Variants in EDIL3 observed in about 807,000 individuals in gnomAD.
EDIL3 encodes EGF like and discoidin domains 3.
A neutral mutation model predicts 67.4 loss-of-function variants in EDIL3; 37 were observed. The ratio of observed to expected loss-of-function variants is 0.55; its 90% CI spans 0.42 to 0.72. The LOEUF is 0.72. Among genes scored for constraint, EDIL3 ranks in the 30% least tolerant of loss-of-function variants. EDIL3 has a pLI of 0.00. For missense variants in EDIL3, 527 were observed against 586.3 expected, an observed-to-expected ratio of 0.90 and a Z score of 1.04; for synonymous variants, 195 against 196.3, an observed-to-expected ratio of 0.99 and a Z score of 0.05.
At chr5:84,244,712 ACTTTCTTTGTCCACTTACCCTAAG>A (rs1472070668) in intron 2 of EDIL3, among the ~76,000 whole-genome samples, 3 of 152,250 alleles carry the variant, frequency 2.0e-5, no homozygotes, top group Non-Finnish European at 2.9e-5. Context: ...TTAGCCCTTT[ACTTTCTTTGTCCACTTACCCTAAG>A]CTTTCTTTGT....
intron 4 of EDIL3, among the ~76,000 whole-genome samples, chr5:84,158,429 T>G (rs1319520552): frequency 6.6e-6 from 1 of 152,058 alleles, no homozygotes; most frequent in African/African-American, 2.4e-5. Context: ...TCTAAATATG[T>G]CAGCTTTTTC....
intron 3 of EDIL3, among the ~76,000 whole-genome samples, chr5:84,195,195 C>T (rs1032648345): frequency 1.3e-5 from 2 of 151,848 alleles, no homozygotes; most frequent in Non-Finnish European, 2.9e-5. Context: ...ATTACCAATA[C>T]AATTTCTATT....
intron 6 of EDIL3, among the ~76,000 whole-genome samples, chr5:84,098,269 T>C (rs1379523425): frequency 3.3e-5 from 5 of 152,108 alleles, no homozygotes; most frequent in Admixed American, 3.3e-4. Flanking sequence ...GAATACTAAT[T>C]AGTGCATGTT....
At chr5:84,280,120 T>C (rs1745667385) in intron 1 of EDIL3, among the ~76,000 whole-genome samples, 1 of 152,202 alleles carries the variant, frequency 6.6e-6, no homozygotes. Flanking sequence ...TCTACATCTT[T>C]GCTTTCTATA....
At chr5:84,021,745 A>G (rs970438986) in intron 9 of EDIL3, among the ~76,000 whole-genome samples, 1 of 152,008 alleles carries the variant, frequency 6.6e-6, no homozygotes, top group African/African-American at 2.4e-5. Flanking sequence ...CAGAAATACA[A>G]AAGATCACCA....
In EDIL3 at chr5:84,090,801, A is replaced by T. The variant is rs555708406; in HGVS notation, c.651+15848T>A. Among the ~76,000 whole-genome samples, 10 of 151,956 alleles carry T rather than the reference A, an allele frequency of 6.6e-5. No individual in the cohort carries two copies. The East Asian group carries it at 1.9e-3, about 30-fold the overall frequency. ...TCTCTACTGAAAATACAAAAAAAAT[A>T]GCTGGGCGTGGTGGTGCGTGCCTGT... On this transcript the variant is annotated intron_variant, in intron 6 of 10. Coordinates refer to ENST00000296591, the MANE Select transcript of EDIL3 (RefSeq NM_005711.5).
At chr5:84,105,296 T>C (rs72776507) in intron 6 of EDIL3, among the ~76,000 whole-genome samples, 9,799 of 152,142 alleles carry the variant, frequency 0.064, 441 homozygotes, top group Middle Eastern at 0.12. Flanking sequence ...AACAACTTCA[T>C]GTAAATATAA....
At chr5:83,981,008 A>G (rs989487072) in intron 9 of EDIL3, among the ~76,000 whole-genome samples, 6 of 152,096 alleles carry the variant, frequency 3.9e-5, no homozygotes, top group African/African-American at 1.4e-4. Context: ...AAATAAATGA[A>G]AAGATATCTC....
chr5:84,021,714 A>G lies in EDIL3; in HGVS notation c.1137+38586T>C, dbSNP rs149285130. Among the ~76,000 whole-genome samples the G allele has an allele frequency of 6.0e-3, 909 of 152,124 alleles. 12 individuals carry two copies. Among genetic ancestry groups the G allele is most frequent in the African/African-American group, 0.021 (858 of 41,552 alleles). On this transcript the variant is annotated intron_variant, in intron 9 of 10. Transcript: ENST00000296591. Reference sequence around the variant, plus strand: ...TGTTCTGTAAAGGTTTGTTAGGTCCATTTGGCCTAAGTCAGCTAAACAGAA... The same window carrying G: ...TGTTCTGTAAAGGTTTGTTAGGTCCGTTTGGCCTAAGTCAGCTAAACAGAA...
chr5:84,207,688 C>G (rs1324880016), intron 3 of EDIL3, among the ~76,000 whole-genome samples: 1 of 151,700 alleles, frequency 6.6e-6, no homozygotes, highest in African/African-American at 2.4e-5. Flanking sequence ...GGTACTGGTA[C>G]CAAAACAGAG....
At chr5:84,336,016 A>G (rs1389018357) in intron 1 of EDIL3, among the ~76,000 whole-genome samples, 1 of 152,204 alleles carries the variant, frequency 6.6e-6, no homozygotes, top group African/African-American at 2.4e-5. Flanking sequence ...TACATTTATG[A>G]GGGCTTTGCC....
intron 1 of EDIL3, among the ~76,000 whole-genome samples, chr5:84,319,726 C>T (rs909150413): frequency 7.2e-5 from 11 of 152,004 alleles, no homozygotes; most frequent in Non-Finnish European, 1.3e-4. Flanking sequence ...GCACTGTTCA[C>T]AATAGCAAAG....
At chr5:84,207,745 T>A (rs1272854380) in intron 3 of EDIL3, among the ~76,000 whole-genome samples, 1 of 151,948 alleles carries the variant, frequency 6.6e-6, no homozygotes, top group Non-Finnish European at 1.5e-5. Flanking sequence ...TAATGCCGCA[T>A]ATCTACAACT....
intron 7 of EDIL3, among the ~76,000 whole-genome samples, chr5:84,065,127 C>T (rs1341900575): frequency 1.3e-5 from 2 of 152,164 alleles, no homozygotes; most frequent in Non-Finnish European, 2.9e-5. Context: ...CAGGGCAGCG[C>T]TCTTCTCTTT....
In EDIL3 at chr5:84,229,863, G is replaced by A; in HGVS notation, c.218C>T (p.Thr73Ile). The change falls in exon 3 of 11, where the codon ACT (threonine) becomes ATT (isoleucine). Residue 73 changes from threonine (T) to isoleucine (I), a missense_variant. Transcript: ENST00000296591. ...VEVASDEEEPTSAGPCTPNPC... is the reference protein window; with the variant it reads ...VEVASDEEEPISAGPCTPNPC... The stretch of plus-strand genomic sequence containing the variant: ...CAACATAGGAACTTTACCTGCTGAA[G>A]TTGGTTCTTCTTCATCTGATGCTAT... 2 of 1,590,282 alleles carry A rather than the reference G, an allele frequency of 1.3e-6. No homozygotes were observed. The highest frequency in any genetic ancestry group is 2.2e-5 in the South Asian group (2 of 89,654).
chr5:84,030,441 T>C (rs1745898635), intron 9 of EDIL3, among the ~76,000 whole-genome samples: 1 of 152,064 alleles, frequency 6.6e-6, no homozygotes, highest in Admixed American at 6.6e-5. Context: ...GCATCAGGAG[T>C]TATTCTAAAA....
chr5:84,086,044 C>A (rs1032210820), intron 6 of EDIL3, among the ~76,000 whole-genome samples: 3 of 152,194 alleles, frequency 2.0e-5, no homozygotes, highest in Non-Finnish European at 4.4e-5. Flanking sequence ...TTCATTCAGG[C>A]TGCTGTGCTG....
chr5:83,969,844 C>T (rs764530883), intron 9 of EDIL3, among the ~76,000 whole-genome samples: 5 of 151,746 alleles, frequency 3.3e-5, no homozygotes, highest in Non-Finnish European at 5.9e-5. Context: ...GTCTAATGAT[C>T]AGATCAGGGT....
intron 5 of EDIL3, among the ~76,000 whole-genome samples, chr5:84,111,186 G>A (rs164431): frequency 0.37 from 56,305 of 151,890 alleles, 10,705 homozygotes; most frequent in Non-Finnish European, 0.41. Flanking sequence ...TCCCAGCCAT[G>A]CTTCCTATAC....
Sources: gnomAD v4.1 joint callset for allele counts (sites outside exome capture counted in the v4.1 genomes callset) on GRCh38, gnomAD v4.1.1 for gene constraint, MANE v1.5 for transcripts, NCBI Gene and HGNC (gene_info 2026-07-23, HGNC 2026-07-21) for gene names.